Variants in COLQ observed in about 807,000 individuals in gnomAD.
The protein encoded by COLQ is acetylcholinesterase collagenic tail peptide.
A neutral mutation model predicts 69.0 loss-of-function variants in COLQ; 48 were observed. The observed-to-expected ratio is 0.70, with a 90% confidence interval of 0.55 to 0.88. COLQ has a LOEUF of 0.88. COLQ is among the 40% of genes least tolerant of loss of function. The pLI is 0.00. For synonymous variants in COLQ, 217 were observed against 211.2 expected (o/e 1.03, Z -0.24); for missense variants, 618 against 594.6 (o/e 1.04, Z -0.41).
rs370976269 is a variant in COLQ at position 15,477,152 on chromosome 3, C to T, written c.439G>A (p.Gly147Ser). The part of the protein sequence containing the change: ...PGVPGMPGPI[G>S]WPGPEGPRGE... ...CTGGGTCCTTCAGGGCCTGGCCAAC[C>T]GATGGGCCCAGGCATGCCAGGAACA... is the stretch of plus-strand genomic sequence containing the variant. Residue 147 changes from glycine (G) to serine (S), a missense_variant, in exon 6 of 17, where the codon GGT becomes AGT. Coordinates refer to ENST00000383788, the MANE Select transcript of COLQ (RefSeq NM_005677.4). 1.2e-5 allele frequency: 19 copies of T among 1,605,984 alleles called. No homozygotes were observed. The highest frequency in any genetic ancestry group is 1.1e-4 in the African/African-American group (8 of 74,878).
chr3:15,468,293 T>G (rs1188726341), intron 11 of COLQ, among the ~76,000 whole-genome samples: 1 of 148,492 alleles, frequency 6.7e-6, no homozygotes, highest in East Asian at 2.0e-4. Flanking sequence ...GTGATCTCTC[T>G]CAAGGAAATT....
chr3:15,510,887 C>T (rs1246445668), intron 1 of COLQ, among the ~76,000 whole-genome samples: 2 of 148,272 alleles, frequency 1.3e-5, no homozygotes, highest in East Asian at 4.0e-4. Flanking sequence ...AGGAAGGAAA[C>T]CAAAACAAAG....
intron 1 of COLQ, chr3:15,498,659 T>A: frequency 6.4e-7 from 1 of 1,550,768 alleles, no homozygotes; most frequent in Non-Finnish European, 8.7e-7. Flanking sequence ...GTCACGCCTC[T>A]GAGTGCTCCC....
chr3:15,501,572 T>C (rs550513237), intron 1 of COLQ, among the ~76,000 whole-genome samples: 1 of 152,238 alleles, frequency 6.6e-6, no homozygotes, highest in Non-Finnish European at 1.5e-5. Flanking sequence ...ACCTGAGTTC[T>C]ACCTTCCCAC....
At chr3:15,518,620 G>A (rs1006449346) in intron 1 of COLQ, among the ~76,000 whole-genome samples, 2 of 152,228 alleles carry the variant, frequency 1.3e-5, no homozygotes, top group African/African-American at 4.8e-5. Context: ...AGCTGGTGCT[G>A]CACATGGCAC....
In COLQ at chr3:15,475,402, G is replaced by A. The variant is rs545482547; in HGVS notation, c.528+23C>T. 2.0e-5 allele frequency: 31 copies of A among 1,578,902 alleles called. No individual in the cohort carries two copies. In the African/African-American group the frequency reaches 2.6e-4, roughly 13 times the overall value. On this transcript the variant is annotated intron_variant, in intron 7 of 16. Coordinates refer to ENST00000383788, the MANE Select transcript of COLQ (RefSeq NM_005677.4). ...CAGAGCCTGACAGAGATCTGGGAAC[G>A]TCCATTTGGACCCCACACTGACCTT... is the stretch of plus-strand genomic sequence containing the variant.
intron 4 of COLQ, 46 bp from the exon 5 acceptor site, chr3:15,479,049 T>G: frequency 6.2e-7 from 1 of 1,612,528 alleles, no homozygotes; most frequent in South Asian, 1.1e-5. Flanking sequence ...TTGGAAGAGA[T>G]GTTCTGGAAG....
Position 15,456,026 on chromosome 3 carries a change from A to C in COLQ, c.1075-7T>G, listed in dbSNP as rs2062019720. The C allele has an allele frequency of 1.2e-6, 2 of 1,613,852 alleles. No homozygotes were observed. The highest frequency in any genetic ancestry group is 1.3e-5 in the African/African-American group (1 of 74,900). On this transcript the variant is annotated splice_region_variant and splice_polypyrimidine_tract_variant and intron_variant, in intron 14 of 16. Coordinates refer to ENST00000383788, the MANE Select transcript of COLQ (RefSeq NM_005677.4). Reference sequence around the variant, plus strand: ...CAGGGTAGAAAGGGGTCAGCTGGCCAAAGAAGCACACAGCATTAACTGGAG... The same window carrying C: ...CAGGGTAGAAAGGGGTCAGCTGGCCCAAGAAGCACACAGCATTAACTGGAG...
At chr3:15,456,090 G>T in intron 14 of COLQ, 71 bp from the exon 15 acceptor site, 1 of 1,588,412 alleles carries the variant, frequency 6.3e-7, no homozygotes, top group Non-Finnish European at 8.6e-7. Context: ...GGAGGTCATT[G>T]GTTTTGGTCC....
chr3:15,509,269 A>T (rs1406954826), intron 1 of COLQ, among the ~76,000 whole-genome samples: 5 of 152,198 alleles, frequency 3.3e-5, no homozygotes, highest in African/African-American at 1.2e-4. Context: ...CCTCAAAGGA[A>T]GCATGCAAGA....
At chr3:15,503,005 G>T (rs556060347) in intron 1 of COLQ, among the ~76,000 whole-genome samples, 7 of 152,320 alleles carry the variant, frequency 4.6e-5, no homozygotes, top group Non-Finnish European at 8.8e-5. Context: ...GGACCACATA[G>T]CAAGTACAGA....
chr3:15,514,105 C>T (rs2063023297), intron 1 of COLQ, among the ~76,000 whole-genome samples: 1 of 152,170 alleles, frequency 6.6e-6, no homozygotes, highest in African/African-American at 2.4e-5. Flanking sequence ...CTGGACAAGG[C>T]AGGAAATGGA....
chr3:15,514,048 G>A (rs2063022747), intron 1 of COLQ, among the ~76,000 whole-genome samples: 1 of 152,156 alleles, frequency 6.6e-6, no homozygotes, highest in South Asian at 2.1e-4. Context: ...TTTGAAGGTG[G>A]AGAAAGGGGC....
At chr3:15,489,839 C>T (rs958684924) in intron 1 of COLQ, among the ~76,000 whole-genome samples, 6 of 152,152 alleles carry the variant, frequency 3.9e-5, no homozygotes, top group African/African-American at 1.4e-4. Context: ...TAAGATGGTT[C>T]ATAAAGAAGC....
intron 3 of COLQ, 114 bp downstream of exon 3, chr3:15,488,092 A>AAG: frequency 1.3e-6 from 1 of 778,874 alleles, no homozygotes; most frequent in South Asian, 1.7e-5. Flanking sequence ...AAGCGAGAGA[A>AAG]GGAAAAACAG....
rs1333632538 is a variant in COLQ, at chr3:15,465,329, C to T, written c.814+1012G>A. ...TCACCCAGGCTGGAGTGCAGTTGCG[C>T]GATCTCGACTCACTGCAAGCTCCGC... On this transcript the variant is annotated intron_variant, in intron 12 of 16. Transcript: ENST00000383788. Among the ~76,000 whole-genome samples, 5 of 147,784 alleles carry T rather than the reference C, an allele frequency of 3.4e-5. No individual in the cohort carries two copies. In the East Asian group the frequency reaches 5.8e-4, roughly 17 times the overall value.
chr3:15,459,625 C>T (rs1180633266), intron 12 of COLQ, among the ~76,000 whole-genome samples: 3 of 151,500 alleles, frequency 2.0e-5, no homozygotes, highest in East Asian at 1.9e-4. Flanking sequence ...ACTACAGGCA[C>T]GTGCCATCAG....
At chr3:15,457,716 G>A (rs888757730) in intron 13 of COLQ, among the ~76,000 whole-genome samples, 7 of 152,058 alleles carry the variant, frequency 4.6e-5, no homozygotes, top group African/African-American at 1.2e-4. Context: ...GGGTTCAAGC[G>A]ATTCTCCCAC....
At chr3:15,451,786 A>G (rs577857685) in intron 16 of COLQ, 73 bp from the exon 17 acceptor site, 2 of 1,363,046 alleles carry the variant, frequency 1.5e-6, no homozygotes, top group Admixed American at 3.4e-5. Flanking sequence ...ACCTTATCAA[A>G]CAGCGGCCAA....
Sources: gnomAD v4.1 joint callset for allele counts (sites outside exome capture counted in the v4.1 genomes callset) on GRCh38, gnomAD v4.1.1 for gene constraint, MANE v1.5 for transcripts, NCBI Gene and HGNC (gene_info 2026-07-23, HGNC 2026-07-21) for gene names.